The following TMEM50A variants were observed in gnomAD, a reference collection of about 807,000 sequenced individuals.
TMEM50A encodes the protein cervical cancer oncogene 9.
TMEM50A carries 8 observed loss-of-function variants against 23.9 expected under a neutral mutation model. That is an observed-to-expected ratio of 0.33 (90% CI 0.20 to 0.60). The LOEUF is 0.60. TMEM50A is among the 20% of genes least tolerant of loss of function. TMEM50A has a pLI of 0.81. For missense variants in TMEM50A, 178 were observed against 192.7 expected, an observed-to-expected ratio of 0.92 and a Z score of 0.45; for synonymous variants, 55 against 60.4, an observed-to-expected ratio of 0.91 and a Z score of 0.41.
intron 3 of TMEM50A, among the ~76,000 whole-genome samples, 162 bp from the exon 4 acceptor site, chr1:25,351,464 G>A (rs1447589446): frequency 6.6e-6 from 1 of 151,670 alleles, no homozygotes; most frequent in Non-Finnish European, 1.5e-5. Context: ...AGCCATGGTT[G>A]TGCCACTGCA....
At chr1:25,351,486 G>A in intron 3 of TMEM50A, 140 bp from the exon 4 acceptor site, 1 of 597,946 alleles carries the variant, frequency 1.7e-6, no homozygotes, top group Non-Finnish European at 2.7e-6. Context: ...TCTAGCTTGA[G>A]CAACAGAGTG....
In TMEM50A at chr1:25,340,543, G is replaced by A; in HGVS notation, c.57G>A (p.Lys19=). 2 of 1,613,914 alleles carry A rather than the reference G, an allele frequency of 1.2e-6. No individual in the cohort carries two copies. The highest frequency in any genetic ancestry group is 1.1e-5 in the South Asian group (1 of 91,026). The stretch of plus-strand genomic sequence containing the variant: ...CAGAATGCATTGACTGGGGGGAAAA[G>A]CGCAATACTATTGCTTCCATTGCTG... ...RCSECIDWGE[K]RNTIASIAAG... is the part of the protein sequence containing the mutation. The change falls in exon 2 of 7, where the codon AAG becomes AAA. Residue 19 remains lysine, a synonymous_variant. Transcript: ENST00000374358.
At chr1:25,350,539 C>T (rs1198587533) in intron 3 of TMEM50A, among the ~76,000 whole-genome samples, 2 of 152,136 alleles carry the variant, frequency 1.3e-5, no homozygotes, top group Non-Finnish European at 2.9e-5. Flanking sequence ...CAGGCATGTG[C>T]CACCATGCCC....
In TMEM50A at chr1:25,340,618, C is replaced by G. The variant is rs369703133; in HGVS notation, c.93+39C>G. The G allele has an allele frequency of 2.6e-6, 4 of 1,527,536 alleles. No homozygotes were observed. In the African/African-American group the frequency reaches 4.1e-5, roughly 16 times the overall value. 94.6% of individuals were successfully genotyped at this position (1,527,536 alleles called of 1,614,324 possible). A position where few individuals can be genotyped will look rare whatever the true frequency, so the allele number is the denominator to read the frequency against. ...ATTATTTGGGCCTTATTTTTTGGTG[C>G]GTTTGTGTTTATGGGTTTTGAATTC... On this transcript the variant is annotated intron_variant, in intron 2 of 6. Coordinates refer to ENST00000374358, the MANE Select transcript of TMEM50A (RefSeq NM_014313.4).
intron 3 of TMEM50A, among the ~76,000 whole-genome samples, chr1:25,345,423 A>G (rs1188474585): frequency 6.6e-6 from 1 of 152,212 alleles, no homozygotes; most frequent in Non-Finnish European, 1.5e-5. Context: ...TACTAAAAAT[A>G]CAAAACATTA....
At chr1:25,355,020 C>T (rs1401756529) in intron 5 of TMEM50A, among the ~76,000 whole-genome samples, 5 of 152,174 alleles carry the variant, frequency 3.3e-5, no homozygotes, top group African/African-American at 1.2e-4. Context: ...GATCCACCTG[C>T]CTTGGCTTCC....
At chr1:25,346,243 CCTTT>C (rs1273623960) in intron 3 of TMEM50A, among the ~76,000 whole-genome samples, 1 of 151,606 alleles carries the variant, frequency 6.6e-6, no homozygotes, top group Non-Finnish European at 1.5e-5. Context: ...TCTCTGTGGG[CCTTT>C]CTTTTTTTTC....
chr1:25,341,568 G>A (rs1033855361), intron 2 of TMEM50A, among the ~76,000 whole-genome samples: 1 of 152,072 alleles, frequency 6.6e-6, no homozygotes, highest in Admixed American at 6.6e-5. Context: ...TAGTAGAGAC[G>A]GGGTTTCTCC....
intron 6 of TMEM50A, among the ~76,000 whole-genome samples, chr1:25,359,975 G>A (rs1291672119): frequency 1.3e-5 from 2 of 152,120 alleles, no homozygotes; most frequent in Non-Finnish European, 2.9e-5. Context: ...TAGCAAGAAT[G>A]AGAGCAATTT....
intron 3 of TMEM50A, among the ~76,000 whole-genome samples, chr1:25,344,843 C>G (rs1041907869): frequency 6.6e-6 from 1 of 151,608 alleles, no homozygotes; most frequent in African/African-American, 2.4e-5. Flanking sequence ...TAGCCTTGTT[C>G]AGTTTTTTGT....
rs897624716 is a variant in TMEM50A at position 25,340,570 on chromosome 1, T to G, written c.84T>G (p.Ala28=). ...EKRNTIASIA[A]GVLFFTGWWI... ...GCAATACTATTGCTTCCATTGCTGC[T>G]GGTGTACTAGTAAGTGTCATTGATT... is the stretch of plus-strand genomic sequence containing the variant. The change falls in exon 2 of 7, where the codon GCT becomes GCG. Residue 28 remains alanine (A), a synonymous_variant. Transcript: ENST00000374358. 4.3e-6 allele frequency: 7 copies of G among 1,613,336 alleles called. No homozygotes were observed. The highest frequency in any genetic ancestry group is 1.3e-5 in the African/African-American group (1 of 75,042).
chr1:25,357,947 G>A (rs1645353004), intron 6 of TMEM50A, among the ~76,000 whole-genome samples: 1 of 137,680 alleles, frequency 7.3e-6, no homozygotes, highest in Admixed American at 7.2e-5. Context: ...TGCATCAGGA[G>A]TTCTTTTTTT....
chr1:25,349,265 A>G (rs950694755), intron 3 of TMEM50A, among the ~76,000 whole-genome samples: 3 of 152,226 alleles, frequency 2.0e-5, no homozygotes, highest in Admixed American at 2.0e-4. Context: ...TAACTTTTCT[A>G]TAAATTGGAG....
At position 25,352,875 on chromosome 1, in the gene TMEM50A, T is replaced by G. The variant is rs770948439; in HGVS notation, c.275-7T>G. 12 of 1,612,786 alleles carry G rather than the reference T, an allele frequency of 7.4e-6. No homozygotes were observed. In the Admixed American group the frequency reaches 2.0e-4, roughly 27 times the overall value. Reference sequence around the variant, plus strand: ...AAGAATTCTGGTAAAATATTATTTCTTTGAAGGTGCTCGCATTTGGCTTTT... The same window carrying G: ...AAGAATTCTGGTAAAATATTATTTCGTTGAAGGTGCTCGCATTTGGCTTTT... On this transcript the variant is annotated splice_region_variant and splice_polypyrimidine_tract_variant and intron_variant, in intron 4 of 6. Coordinates refer to ENST00000374358, the MANE Select transcript of TMEM50A (RefSeq NM_014313.4).
At chr1:25,348,151 A>G (rs1335129566) in intron 3 of TMEM50A, among the ~76,000 whole-genome samples, 3 of 152,216 alleles carry the variant, frequency 2.0e-5, no homozygotes, top group African/African-American at 7.2e-5. Context: ...GTCTTTATAA[A>G]TGTTTATCAT....
In TMEM50A at chr1:25,362,308, T is replaced by A. The variant is rs1395992939; in HGVS notation, c.*1603T>A. The A allele has an allele frequency of 9.6e-7, 1 of 1,044,800 alleles. No homozygotes were observed. Among genetic ancestry groups the A allele is most frequent in the African/African-American group, 1.6e-5 (1 of 61,582 alleles). 64.7% of individuals were successfully genotyped at this position (1,044,800 alleles called of 1,614,324 possible). On this transcript the variant is annotated 3_prime_UTR_variant, in exon 7 of 7. Coordinates refer to ENST00000374358, the MANE Select transcript of TMEM50A (RefSeq NM_014313.4). ...AACCAAGAAAATATTGATAGCATCA[T>A]CCTAATGAAACTAAACATTTATTTT...
At chr1:25,359,659 C>T (rs1218967521) in intron 6 of TMEM50A, among the ~76,000 whole-genome samples, 2 of 152,146 alleles carry the variant, frequency 1.3e-5, no homozygotes, top group Non-Finnish European at 2.9e-5. Flanking sequence ...TCTGTGAGGG[C>T]AAATTCCTGT....
intron 5 of TMEM50A, among the ~76,000 whole-genome samples, chr1:25,353,637 A>C (rs879357278): frequency 2.0e-5 from 3 of 152,238 alleles, no homozygotes; most frequent in Non-Finnish European, 4.4e-5. Flanking sequence ...CAGACAGAAA[A>C]GTAAACTAAC....
intron 5 of TMEM50A, among the ~76,000 whole-genome samples, chr1:25,354,543 CAG>C (rs1349030677): frequency 6.6e-6 from 1 of 151,792 alleles, no homozygotes; most frequent in Non-Finnish European, 1.5e-5. Context: ...GCCCGGGAGG[CAG>C]AGATTGCAGT....
Sources: gnomAD v4.1 joint callset for allele counts (sites outside exome capture counted in the v4.1 genomes callset) on GRCh38, gnomAD v4.1.1 for gene constraint, MANE v1.5 for transcripts, NCBI Gene and HGNC (gene_info 2026-07-23, HGNC 2026-07-21) for gene names.